The following HPCAL1 variants were observed in gnomAD, a reference collection of about 807,000 sequenced individuals.
The protein encoded by HPCAL1 is hippocalcin like 1.
In HPCAL1, 8 loss-of-function variants were observed where a neutral mutation model predicts 17.1. The observed-to-expected ratio is 0.47, with a 90% CI of 0.27 to 0.84. HPCAL1 has a LOEUF of 0.84. HPCAL1 is among the 40% of genes least tolerant of loss of function. The pLI is 0.13. For synonymous variants in HPCAL1, 112 were observed against 111.4 expected, an observed-to-expected ratio of 1.01 and a Z score of -0.03; for missense variants, 165 against 271.1, an observed-to-expected ratio of 0.61 and a Z score of 2.75.
Position 10,320,327 on chromosome 2 carries a change from G to C in HPCAL1, c.-111+17150G>C, listed in dbSNP as rs903085060. 5.3e-5 allele frequency among the ~76,000 whole-genome samples: 8 copies of C among 152,190 alleles called. 1 individual carries two copies. The highest frequency in any genetic ancestry group is 1.7e-4 in the African/African-American group (7 of 41,448). On this transcript the variant is annotated intron_variant, in intron 1 of 4. Transcript: ENST00000307845. ...TCTCCAGTGTTGGAGGAGGAGCCTG[G>C]TGGGGGGTGATTGGATCATGGGAGC...
At chr2:10,383,117 C>G (rs1271057484) in intron 1 of HPCAL1, among the ~76,000 whole-genome samples, 5 of 152,196 alleles carry the variant, frequency 3.3e-5, no homozygotes, top group Non-Finnish European at 7.3e-5. Flanking sequence ...TCATGCCTGT[C>G]ATCCCAGCAC....
intron 2 of HPCAL1, among the ~76,000 whole-genome samples, chr2:10,418,268 A>T (rs936930296): frequency 1.4e-5 from 2 of 143,788 alleles, no homozygotes; most frequent in African/African-American, 5.0e-5. Flanking sequence ...AAAATACATA[A>T]ATAAATAAAT....
At chr2:10,364,033 T>C (rs1289063199) in intron 1 of HPCAL1, among the ~76,000 whole-genome samples, 2 of 152,174 alleles carry the variant, frequency 1.3e-5, no homozygotes, top group East Asian at 3.9e-4. Flanking sequence ...GCAGGCCACC[T>C]GGAGGAGGGG....
At chr2:10,309,468 A>T (rs1662820207) in intron 1 of HPCAL1, among the ~76,000 whole-genome samples, 1 of 152,204 alleles carries the variant, frequency 6.6e-6, no homozygotes, top group Non-Finnish European at 1.5e-5. Context: ...GGTAGTAATG[A>T]TATGCCCTTT....
chr2:10,420,223 T>G (rs1462345979), intron 3 of HPCAL1, 88 bp downstream of exon 3: 2 of 1,247,914 alleles, frequency 1.6e-6, no homozygotes, highest in Non-Finnish European at 2.2e-6. Flanking sequence ...TTTTTTTTTT[T>G]TTTTTTTTAA....
intron 1 of HPCAL1, among the ~76,000 whole-genome samples, chr2:10,336,417 A>G (rs188190384): frequency 3.3e-5 from 5 of 152,330 alleles, no homozygotes; most frequent in African/African-American, 1.2e-4. Context: ...GCCAATGTAT[A>G]CATCATTTTA....
chr2:10,374,856 C>A (rs1667451152), intron 1 of HPCAL1, among the ~76,000 whole-genome samples: 1 of 152,204 alleles, frequency 6.6e-6, no homozygotes, highest in African/African-American at 2.4e-5. Context: ...GTGTCCTCCA[C>A]CAGAGTGGAG....
Position 10,344,130 on chromosome 2 carries a change from C to T in HPCAL1, c.-111+40953C>T, listed in dbSNP as rs141182004. Among the ~76,000 whole-genome samples, 85 of 152,306 alleles carry T rather than the reference C, an allele frequency of 5.6e-4. No homozygotes were observed. Among genetic ancestry groups the T allele is most frequent in the African/African-American group, 1.6e-3 (67 of 41,554 alleles). On this transcript the variant is annotated intron_variant, in intron 1 of 4. Transcript: ENST00000307845. This position sits in a 1 kb window ranked among gnomAD's most constrained non-coding sequence, Gnocchi z 4.9. The stretch of plus-strand genomic sequence containing the variant: ...AAAAAGCCAGAACAAAACAAGCAGA[C>T]GGTTGAGGACTGCAGTGAACTCATT...
chr2:10,337,825 G>A (rs557538748), intron 1 of HPCAL1, among the ~76,000 whole-genome samples: 1 of 152,186 alleles, frequency 6.6e-6, no homozygotes, highest in Admixed American at 6.5e-5. Flanking sequence ...TCCCCCAGGA[G>A]GTGCAGGCTG....
intron 1 of HPCAL1, among the ~76,000 whole-genome samples, chr2:10,357,559 C>T (rs882817): frequency 1.3e-5 from 2 of 151,902 alleles, no homozygotes; most frequent in African/African-American, 2.4e-5. Context: ...GTTTCCTCCG[C>T]GGAGTGTGTT....
At chr2:10,356,042 T>TG (rs1426439412) in intron 1 of HPCAL1, among the ~76,000 whole-genome samples, 17 of 152,182 alleles carry the variant, frequency 1.1e-4, no homozygotes, top group Admixed American at 1.1e-3. Context: ...TATTGATTTG[T>TG]GGGCCTTTTG....
At chr2:10,309,446 C>T (rs1330185580) in intron 1 of HPCAL1, among the ~76,000 whole-genome samples, 5 of 152,192 alleles carry the variant, frequency 3.3e-5, no homozygotes, top group East Asian at 1.9e-4. Context: ...CTTTCTCTTC[C>T]GCCCTTGTTT....
chr2:10,371,464 C>T (rs975771472), intron 1 of HPCAL1, among the ~76,000 whole-genome samples: 3 of 152,046 alleles, frequency 2.0e-5, no homozygotes, highest in Admixed American at 1.3e-4. Flanking sequence ...TGGATAGCCC[C>T]ACCTGGGTAG....
intron 1 of HPCAL1, 61 bp from the exon 2 acceptor site, chr2:10,396,774 G>C (rs1171693117): frequency 1.3e-5 from 2 of 152,354 alleles, no homozygotes; most frequent in African/African-American, 4.8e-5. Flanking sequence ...ACCAGAGGGA[G>C]GGGCATGGGC....
chr2:10,404,992 A>C, intron 2 of HPCAL1, among the ~76,000 whole-genome samples: 1 of 152,148 alleles, frequency 6.6e-6, no homozygotes, highest in Non-Finnish European at 1.5e-5. Context: ...CTTTCTTGTA[A>C]AGCTGTGCCA....
In HPCAL1 at chr2:10,310,890, G is replaced by A. The variant is rs1023249730; in HGVS notation, c.-111+7713G>A. On this transcript the variant is annotated intron_variant, in intron 1 of 4. Coordinates refer to ENST00000307845, the MANE Select transcript of HPCAL1 (RefSeq NM_002149.4). This position sits in a 1 kb window ranked among gnomAD's most constrained non-coding sequence, Gnocchi z 4.5. ...TGCATTTAACAGACGTTTCCAGAAA[G>A]CAGAATTGATGACAGCCCCAACTCC... 3.9e-5 allele frequency among the ~76,000 whole-genome samples: 6 copies of A among 152,178 alleles called. No individual in the cohort carries two copies. The highest frequency in any genetic ancestry group is 7.2e-5 in the African/African-American group (3 of 41,434).
intron 1 of HPCAL1, among the ~76,000 whole-genome samples, chr2:10,364,504 A>G (rs926647893): frequency 4.0e-5 from 6 of 149,904 alleles, no homozygotes; most frequent in Non-Finnish European, 8.9e-5. Context: ...CCCGGGGGAG[A>G]CTCCTCGCTG....
At chr2:10,352,189 A>G (rs1269565375) in intron 1 of HPCAL1, among the ~76,000 whole-genome samples, 1 of 152,052 alleles carries the variant, frequency 6.6e-6, no homozygotes, top group African/African-American at 2.4e-5. Context: ...ACAGCCAACC[A>G]TTGAATTTAA....
Position 10,403,979 on chromosome 2 carries a change from A to G in HPCAL1, c.-25+7059A>G, listed in dbSNP as rs545776582. ...CTTCTTCTGGCTGCCTCTCCTCCCC[A>G]TACCCTGCATTTGTTAATGTACCCA... On this transcript the variant is annotated intron_variant, in intron 2 of 4. Coordinates refer to ENST00000307845, the MANE Select transcript of HPCAL1 (RefSeq NM_002149.4). 1.3e-5 allele frequency among the ~76,000 whole-genome samples: 2 copies of G among 152,156 alleles called. 1 individual carries two copies. The highest frequency in any genetic ancestry group is 4.2e-4 in the South Asian group (2 of 4,818).
Sources: allele counts gnomAD v4.1 joint callset (sites outside exome capture counted in the v4.1 genomes callset), GRCh38; gene constraint gnomAD v4.1.1; non-coding constraint Gnocchi (gnomAD v3.1); transcripts MANE v1.5; gene names NCBI Gene and HGNC (gene_info 2026-07-23, HGNC 2026-07-21).